The following POU6F2 variants were observed in gnomAD, a reference collection of about 807,000 sequenced individuals.
POU6F2 encodes POU class 6 homeobox 2.
In POU6F2, 31 loss-of-function variants were observed where a neutral mutation model predicts 71.3. That is an observed-to-expected ratio of 0.43 (90% CI 0.33 to 0.59). The LOEUF (loss-of-function observed/expected upper bound fraction) is 0.59, where lower values mean the gene tolerates loss of function less well. Among genes scored for constraint, POU6F2 ranks in the 20% least tolerant of loss-of-function variants. The probability of loss-of-function intolerance (pLI) is 0.04; values close to 1 mark genes in which losing one functional copy is unlikely to be tolerated. For missense variants in POU6F2, 783 were observed against 856.8 expected, an observed-to-expected ratio of 0.91 and a Z score of 1.07; for synonymous variants, 347 against 355.7, an observed-to-expected ratio of 0.98 and a Z score of 0.27.
At chr7:39,138,709 A>G (rs1036748094) in intron 2 of POU6F2, among the ~76,000 whole-genome samples, 1 of 152,230 alleles carries the variant, frequency 6.6e-6, no homozygotes, top group Non-Finnish European at 1.5e-5. Context: ...CAATGTAATA[A>G]TAATAGAAAT....
chr7:39,001,556 T>G (rs1788906009), intron 1 of POU6F2, among the ~76,000 whole-genome samples: 1 of 152,138 alleles, frequency 6.6e-6, no homozygotes, highest in Non-Finnish European at 1.5e-5. Context: ...GAAATCTACT[T>G]TAGATGAGGA....
intron 4 of POU6F2, among the ~76,000 whole-genome samples, chr7:39,225,195 A>G (rs990284624): frequency 6.6e-6 from 1 of 151,764 alleles, no homozygotes; most frequent in African/African-American, 2.4e-5. Context: ...TTTTTTTGAG[A>G]CAGTGTCTCA....
intron 1 of POU6F2, among the ~76,000 whole-genome samples, chr7:39,014,375 A>G (rs142421251): frequency 3.9e-5 from 6 of 152,350 alleles, no homozygotes; most frequent in African/African-American, 1.2e-4. Context: ...AGCAGATGCT[A>G]TAACTATAAA....
At chr7:39,151,943 A>C (rs1792768333) in intron 2 of POU6F2, among the ~76,000 whole-genome samples, 1 of 152,158 alleles carries the variant, frequency 6.6e-6, no homozygotes, top group Admixed American at 6.5e-5. Flanking sequence ...GTGACTGGTA[A>C]GATTATCAGG....
At chr7:39,405,362 C>CA (rs1467537699) in intron 5 of POU6F2, among the ~76,000 whole-genome samples, 1 of 151,866 alleles carries the variant, frequency 6.6e-6, no homozygotes, top group African/African-American at 2.4e-5. Context: ...GAGACTGAGA[C>CA]AAAAAATGAA....
chr7:39,321,123 T>C (rs527635103), intron 4 of POU6F2, among the ~76,000 whole-genome samples: 1 of 152,144 alleles, frequency 6.6e-6, no homozygotes, highest in South Asian at 2.1e-4. Flanking sequence ...TAATAAAAGT[T>C]ATATGAATGT....
intron 4 of POU6F2, among the ~76,000 whole-genome samples, chr7:39,324,959 A>G (rs1013751827): frequency 5.3e-5 from 8 of 152,246 alleles, no homozygotes; most frequent in Non-Finnish European, 4.4e-5. Flanking sequence ...GCACATCAAT[A>G]CAAAATAACC....
In POU6F2 at chr7:39,329,769, T is replaced by G. The variant is rs542345648; in HGVS notation, c.599-9873T>G. Reference sequence around the variant, plus strand: ...GTCCTCACTCCCCTCCTGGTTTTTCTTGGGAGCCCTTCTTTAAATCATTTG... The same window carrying G: ...GTCCTCACTCCCCTCCTGGTTTTTCGTGGGAGCCCTTCTTTAAATCATTTG... On this transcript the variant is annotated intron_variant, in intron 4 of 9. Transcript: ENST00000518318. Among the ~76,000 whole-genome samples the G allele has an allele frequency of 6.6e-5, 10 of 152,324 alleles. No individual in the cohort carries two copies. The South Asian group carries it at 2.1e-3, about 32-fold the overall frequency.
chr7:39,305,596 T>A (rs1785033046), intron 4 of POU6F2, among the ~76,000 whole-genome samples: 6 of 152,202 alleles, frequency 3.9e-5, no homozygotes, highest in Admixed American at 3.9e-4. Flanking sequence ...GCTGTTATAG[T>A]CCTCAGCGTT....
At chr7:39,226,366 T>G (rs1794460719) in intron 4 of POU6F2, among the ~76,000 whole-genome samples, 1 of 152,230 alleles carries the variant, frequency 6.6e-6, no homozygotes, top group Admixed American at 6.5e-5. Flanking sequence ...TTTCTCCATT[T>G]TCCTATAATA....
intron 6 of POU6F2, among the ~76,000 whole-genome samples, chr7:39,426,951 G>A (rs955790863): frequency 2.0e-5 from 3 of 152,144 alleles, no homozygotes; most frequent in East Asian, 3.9e-4. Flanking sequence ...AACTTCCAAT[G>A]TAGCATTCTA....
At chr7:39,035,027 A>T (rs956844278) in intron 1 of POU6F2, among the ~76,000 whole-genome samples, 34 of 151,820 alleles carry the variant, frequency 2.2e-4, no homozygotes, top group African/African-American at 8.2e-4. Context: ...AGAGAGAAGG[A>T]TTCTCTAATG....
intron 4 of POU6F2, among the ~76,000 whole-genome samples, chr7:39,259,776 G>A (rs546199480): frequency 5.3e-5 from 8 of 152,100 alleles, no homozygotes; most frequent in Non-Finnish European, 7.4e-5. Flanking sequence ...CTGCTCCTTC[G>A]GGAAATCTGT....
At chr7:39,229,901 G>A (rs745339601) in intron 4 of POU6F2, among the ~76,000 whole-genome samples, 3 of 152,154 alleles carry the variant, frequency 2.0e-5, no homozygotes, top group South Asian at 2.1e-4. Flanking sequence ...CACGTTTATT[G>A]AGCACATACT....
At chr7:39,458,342 G>A (rs1261586498) in intron 8 of POU6F2, among the ~76,000 whole-genome samples, 1 of 151,926 alleles carries the variant, frequency 6.6e-6, no homozygotes, top group African/African-American at 2.4e-5. Context: ...TTTGGGAAAT[G>A]AAGATTTTCC....
At chr7:39,419,939 T>C (rs943112294) in intron 6 of POU6F2, among the ~76,000 whole-genome samples, 9 of 152,174 alleles carry the variant, frequency 5.9e-5, no homozygotes, top group Non-Finnish European at 1.3e-4. Flanking sequence ...CATTCACTTT[T>C]CTCCGTAACA....
At chr7:39,200,325 A>C (rs181774012) in intron 2 of POU6F2, among the ~76,000 whole-genome samples, 1 of 152,344 alleles carries the variant, frequency 6.6e-6, no homozygotes, top group African/African-American at 2.4e-5. Flanking sequence ...CATGAGGGAT[A>C]TCAACCTCTG....
rs144621071 is a variant in POU6F2 at position 39,056,102 on chromosome 7, A to C, written c.106-29758A>C. On this transcript the variant is annotated intron_variant, in intron 1 of 9. Transcript: ENST00000518318. ...CAATCCAGTTCTCAATATTTTCAGC[A>C]ATTTTTATTTTCCCATATAAAATAT... Among the ~76,000 whole-genome samples the C allele has an allele frequency of 4.3e-3, 652 of 152,096 alleles. 3 individuals carry two copies. Among genetic ancestry groups the C allele is most frequent in the Middle Eastern group, 0.01 (3 of 294 alleles).
chr7:39,461,336 A>C (rs1788945354), intron 9 of POU6F2, among the ~76,000 whole-genome samples: 1 of 152,220 alleles, frequency 6.6e-6, no homozygotes, highest in Admixed American at 6.5e-5. Context: ...AAATAAATGA[A>C]TAACAGAATC....
Sources: gnomAD v4.1 joint callset for allele counts (sites outside exome capture counted in the v4.1 genomes callset) on GRCh38, gnomAD v4.1.1 for gene constraint, MANE v1.5 for transcripts, NCBI Gene and HGNC (gene_info 2026-07-23, HGNC 2026-07-21) for gene names.